The following ZFHX3 variants were observed in gnomAD, a reference collection of about 807,000 sequenced individuals.
The protein encoded by ZFHX3 is zinc finger homeobox 3, also known as zinc finger homeobox protein 3.
Under a neutral mutation model 279.1 loss-of-function variants are expected in ZFHX3, and 42 were observed. The ratio of observed to expected loss-of-function variants is 0.15; its 90% confidence interval spans 0.12 to 0.19. ZFHX3 has a LOEUF of 0.19. Ranked by LOEUF, ZFHX3 falls within the 10% of genes least tolerant of loss-of-function variation. ZFHX3 has a pLI of 1.00. For synonymous variants in ZFHX3, 2,293 were observed against 1,957.8 expected (o/e 1.17, Z -4.52); for missense variants, 4,981 against 4,754.0 (o/e 1.05, Z -1.40).
intron 7 of ZFHX3, 117 bp downstream of exon 7, chr16:72,811,460 T>C (rs1488623125): frequency 2.6e-6 from 3 of 1,133,108 alleles, no homozygotes; most frequent in Non-Finnish European, 2.4e-6. Context: ...GACTGTTTTC[T>C]GACGTTTCCA....
chr16:73,189,214 T>G (rs1463232135), intron 5 of ZFHX3, among the ~76,000 whole-genome samples: 1 of 152,112 alleles, frequency 6.6e-6, no homozygotes, highest in African/African-American at 2.4e-5. Context: ...CATAAAAGGG[T>G]GAAGACATTC....
chr16:73,722,193 C>A (rs2053479628), intron 1 of ZFHX3, among the ~76,000 whole-genome samples: 1 of 152,192 alleles, frequency 6.6e-6, no homozygotes, highest in Non-Finnish European at 1.5e-5. Context: ...TTCATGGAAC[C>A]TACATCCTAA....
intron 3 of ZFHX3, among the ~76,000 whole-genome samples, chr16:73,328,169 T>C (rs75973862): frequency 0.01 from 1,554 of 152,330 alleles, 25 homozygotes; most frequent in African/African-American, 0.035. Context: ...CTTGGATTCT[T>C]GGATCCATCT....
Position 73,775,632 on chromosome 16 carries a change from G to T in ZFHX3, c.-1607-95392C>A, listed in dbSNP as rs142765708. On this transcript the variant is annotated intron_variant, in intron 1 of 17. Coordinates refer to the ZFHX3 transcript ENST00000641206. ...ACCTCTAACACTGATGAAAATAATA[G>T]CCACAATAAAATCCAGATGAAAAAC... Among the ~76,000 whole-genome samples the T allele has an allele frequency of 5.3e-5, 8 of 152,270 alleles. No individual in the cohort carries two copies. The East Asian group carries it at 1.5e-3, about 29-fold the overall frequency.
chr16:73,396,559 A>G (rs915779048), intron 3 of ZFHX3, among the ~76,000 whole-genome samples: 5 of 152,208 alleles, frequency 3.3e-5, no homozygotes, highest in Admixed American at 2.6e-4. Context: ...CAAGGCTGGA[A>G]AGGAAACTTA....
intron 8 of ZFHX3, among the ~76,000 whole-genome samples, chr16:73,088,463 T>A (rs1385876838): frequency 2.6e-5 from 4 of 152,194 alleles, no homozygotes; most frequent in African/African-American, 9.6e-5. Context: ...ATTTCTTTTA[T>A]TTCATATACC....
At chr16:73,682,257 TATC>T (rs1163653100) in intron 1 of ZFHX3, among the ~76,000 whole-genome samples, 10 of 152,236 alleles carry the variant, frequency 6.6e-5, no homozygotes, top group Non-Finnish European at 1.2e-4. Context: ...CATGCTCAAT[TATC>T]ATTATCCTGA....
At chr16:73,688,094 T>C (rs1476462201) in intron 1 of ZFHX3, among the ~76,000 whole-genome samples, 1 of 151,502 alleles carries the variant, frequency 6.6e-6, no homozygotes, top group African/African-American at 2.4e-5. Flanking sequence ...CAGTGGCTCA[T>C]GCCTGTAATC....
At chr16:73,266,914 T>C (rs2013992843) in intron 4 of ZFHX3, among the ~76,000 whole-genome samples, 1 of 152,214 alleles carries the variant, frequency 6.6e-6, no homozygotes, top group African/African-American at 2.4e-5. Flanking sequence ...ATTATCCAGT[T>C]TTGCGTATGT....
intron 3 of ZFHX3, among the ~76,000 whole-genome samples, chr16:73,319,335 AT>A (rs1047476377): frequency 1.3e-5 from 2 of 151,934 alleles, no homozygotes; most frequent in African/African-American, 4.8e-5. Flanking sequence ...TCCTTTCAAC[AT>A]CCCCACTCTC....
intron 1 of ZFHX3, among the ~76,000 whole-genome samples, chr16:73,017,590 C>A (rs1281147349): frequency 2.6e-5 from 4 of 152,156 alleles, no homozygotes; most frequent in Admixed American, 2.0e-4. Flanking sequence ...TCCCCTCCAC[C>A]CACCCCTCTC....
intron 2 of ZFHX3, among the ~76,000 whole-genome samples, chr16:73,651,113 C>CA (rs1226309204): frequency 1.3e-5 from 2 of 150,390 alleles, no homozygotes; most frequent in African/African-American, 2.5e-5. Context: ...CTTCTAGAAA[C>CA]AAAAAATATA....
intron 2 of ZFHX3, among the ~76,000 whole-genome samples, chr16:73,528,479 G>T (rs1442553938): frequency 1.3e-5 from 2 of 152,130 alleles, no homozygotes; most frequent in East Asian, 1.9e-4. Context: ...ATTCAATATG[G>T]TCTATGTCTT....
chr16:73,670,314 C>A (rs977015750), intron 2 of ZFHX3, among the ~76,000 whole-genome samples: 11 of 152,066 alleles, frequency 7.2e-5, no homozygotes, highest in African/African-American at 2.7e-4. Context: ...AAGAGAGAGG[C>A]CAACACCTCC....
chr16:73,245,596 G>C (rs1567428894), intron 5 of ZFHX3, among the ~76,000 whole-genome samples: 1 of 152,194 alleles, frequency 6.6e-6, no homozygotes, highest in Non-Finnish European at 1.5e-5. Context: ...AAGCAAAGAT[G>C]GTGTCCAAGG....
intron 3 of ZFHX3, among the ~76,000 whole-genome samples, chr16:73,349,868 C>A (rs1250839950): frequency 2.3e-5 from 3 of 127,752 alleles, no homozygotes; most frequent in Non-Finnish European, 4.6e-5. Context: ...TTCCTTTCTT[C>A]CCCCTCCTCT....
intron 1 of ZFHX3, among the ~76,000 whole-genome samples, chr16:73,795,973 T>C (rs192758121): frequency 1.7e-4 from 26 of 152,344 alleles, no homozygotes; most frequent in Non-Finnish European, 4.4e-5. Context: ...TTCAGCCTAA[T>C]ACAGCCCTGA....
At chr16:72,825,340 C>T (rs748782903) in intron 5 of ZFHX3, among the ~76,000 whole-genome samples, 4 of 152,218 alleles carry the variant, frequency 2.6e-5, no homozygotes, top group African/African-American at 4.8e-5. Flanking sequence ...GAGACTGCTA[C>T]TCCTTATACT....
intron 5 of ZFHX3, among the ~76,000 whole-genome samples, chr16:73,174,164 T>G (rs906115243): frequency 6.6e-6 from 1 of 152,106 alleles, no homozygotes; most frequent in African/African-American, 2.4e-5. Context: ...CAGATCTCTC[T>G]TCTCTGCATG....
Sources: allele counts gnomAD v4.1 joint callset (sites outside exome capture counted in the v4.1 genomes callset), GRCh38; gene constraint gnomAD v4.1.1; transcripts MANE v1.5; gene names NCBI Gene and HGNC (gene_info 2026-07-23, HGNC 2026-07-21).